Variants in KCNIP4 observed in about 807,000 individuals in gnomAD.
KCNIP4 encodes potassium voltage-gated channel interacting protein 4.
A neutral mutation model predicts 34.0 loss-of-function variants in KCNIP4; 12 were observed. The observed-to-expected ratio is 0.35, with a 90% CI of 0.23 to 0.57. The LOEUF is 0.57. KCNIP4 is among the 20% of genes least tolerant of loss of function. The pLI, the probability that KCNIP4 is intolerant of heterozygous loss-of-function variation, is 0.83. For missense variants in KCNIP4, 238 were observed against 311.7 expected, an observed-to-expected ratio of 0.76 and a Z score of 1.78; for synonymous variants, 124 against 102.2, an observed-to-expected ratio of 1.21 and a Z score of -1.29.
At chr4:21,675,583 C>T (rs901485497) in intron 1 of KCNIP4, among the ~76,000 whole-genome samples, 9 of 152,088 alleles carry the variant, frequency 5.9e-5, no homozygotes, top group Non-Finnish European at 1.2e-4. Flanking sequence ...TTACTATGTA[C>T]TCACCAATTT....
intron 2 of KCNIP4, among the ~76,000 whole-genome samples, chr4:20,878,736 T>A (rs548425416): frequency 6.6e-6 from 1 of 152,278 alleles, no homozygotes; most frequent in South Asian, 2.1e-4. Context: ...TAAACAGGCA[T>A]TTTGTTTAGT....
chr4:21,056,308 T>C (rs1395446327), intron 1 of KCNIP4, among the ~76,000 whole-genome samples: 1 of 152,170 alleles, frequency 6.6e-6, no homozygotes, highest in Non-Finnish European at 1.5e-5. Context: ...CTTATTCTTA[T>C]AAAATCCTCT....
chr4:21,635,489 G>A (rs953112171), intron 1 of KCNIP4, among the ~76,000 whole-genome samples: 1 of 152,120 alleles, frequency 6.6e-6, no homozygotes, highest in African/African-American at 2.4e-5. Flanking sequence ...GACATGAACA[G>A]ACACTTCTCA....
At chr4:20,834,913 G>C (rs1718860466) in intron 3 of KCNIP4, among the ~76,000 whole-genome samples, 1 of 152,154 alleles carries the variant, frequency 6.6e-6, no homozygotes, top group Non-Finnish European at 1.5e-5. Context: ...GAATATTGTG[G>C]TTCTCATCTT....
intron 1 of KCNIP4, among the ~76,000 whole-genome samples, chr4:21,103,709 T>C (rs1171011650): frequency 1.3e-5 from 2 of 150,826 alleles, no homozygotes; most frequent in Non-Finnish European, 2.9e-5. Flanking sequence ...GCATTAGGTA[T>C]ATCTCCTAAT....
At chr4:21,073,813 C>T (rs138642091) in intron 1 of KCNIP4, among the ~76,000 whole-genome samples, 3,888 of 152,220 alleles carry the variant, frequency 0.026, 150 homozygotes, top group African/African-American at 0.087. Context: ...TATGACCCAT[C>T]AATACCTAAT....
chr4:21,301,215 T>G (rs1476581676), intron 1 of KCNIP4, among the ~76,000 whole-genome samples: 3 of 152,152 alleles, frequency 2.0e-5, no homozygotes, highest in Non-Finnish European at 4.4e-5. Flanking sequence ...TAATTTAAAC[T>G]TTTATATTAC....
intron 3 of KCNIP4, among the ~76,000 whole-genome samples, chr4:20,836,821 C>A (rs140701234): frequency 2.6e-5 from 4 of 151,958 alleles, no homozygotes; most frequent in African/African-American, 9.7e-5. Context: ...TATCATCATA[C>A]TTTCCTTAGG....
At chr4:20,952,594 T>C (rs1732891644) in intron 1 of KCNIP4, among the ~76,000 whole-genome samples, 1 of 152,206 alleles carries the variant, frequency 6.6e-6, no homozygotes, top group Non-Finnish European at 1.5e-5. Flanking sequence ...TCATTATAAA[T>C]GATTTATATT....
chr4:21,623,121 T>A (rs1023863770), intron 1 of KCNIP4, among the ~76,000 whole-genome samples: 1 of 152,218 alleles, frequency 6.6e-6, no homozygotes, highest in Non-Finnish European at 1.5e-5. Flanking sequence ...TCCATCGGCT[T>A]AATTTGAAAT....
At chr4:20,936,411 T>C (rs1327226009) in intron 1 of KCNIP4, among the ~76,000 whole-genome samples, 1 of 56,820 alleles carries the variant, frequency 1.8e-5, no homozygotes, top group African/African-American at 6.8e-5. Context: ...GATTAAAAGA[T>C]ATGTTTTTTT....
chr4:21,636,581 A>G (rs190527889), intron 1 of KCNIP4, among the ~76,000 whole-genome samples: 33 of 152,280 alleles, frequency 2.2e-4, no homozygotes, highest in African/African-American at 7.2e-4. Flanking sequence ...AATGAAGTGT[A>G]ATACTGACAT....
At chr4:21,085,487 T>C (rs954501899) in intron 1 of KCNIP4, among the ~76,000 whole-genome samples, 2 of 152,210 alleles carry the variant, frequency 1.3e-5, no homozygotes, top group Admixed American at 6.5e-5. Flanking sequence ...TTATTTCATA[T>C]GTATTTCTCA....
At chr4:21,237,622 A>G (rs1759465484) in intron 1 of KCNIP4, among the ~76,000 whole-genome samples, 1 of 152,226 alleles carries the variant, frequency 6.6e-6, no homozygotes, top group Non-Finnish European at 1.5e-5. Context: ...ATAAACTAGA[A>G]AATCTAGAAG....
chr4:21,479,099 C>T (rs1731219695), intron 1 of KCNIP4, among the ~76,000 whole-genome samples: 1 of 152,104 alleles, frequency 6.6e-6, no homozygotes, highest in Non-Finnish European at 1.5e-5. Flanking sequence ...TTCAGCTAGA[C>T]CTCTGGGCTT....
intron 1 of KCNIP4, among the ~76,000 whole-genome samples, chr4:21,835,087 A>G (rs2109311192): frequency 6.6e-6 from 1 of 152,242 alleles, no homozygotes; most frequent in East Asian, 1.9e-4. Flanking sequence ...AGCTTGAATT[A>G]AATTTAAAGT....
At chr4:20,927,757 G>A (rs1730041372) in intron 1 of KCNIP4, among the ~76,000 whole-genome samples, 1 of 152,154 alleles carries the variant, frequency 6.6e-6, no homozygotes. Flanking sequence ...GTCGGGTTTA[G>A]TCATAATGTC....
intron 1 of KCNIP4, among the ~76,000 whole-genome samples, chr4:21,125,850 A>C (rs1750570734): frequency 6.6e-6 from 1 of 152,066 alleles, no homozygotes; most frequent in Non-Finnish European, 1.5e-5. Context: ...CTAAGAGGAG[A>C]TTCTATAAGG....
intron 3 of KCNIP4, among the ~76,000 whole-genome samples, chr4:20,829,804 T>G (rs1718201126): frequency 6.6e-6 from 1 of 152,158 alleles, no homozygotes; most frequent in Non-Finnish European, 1.5e-5. Context: ...TGTGACCATA[T>G]CTGTGGCTTG....
Sources: allele counts gnomAD v4.1 joint callset (sites outside exome capture counted in the v4.1 genomes callset), GRCh38; gene constraint gnomAD v4.1.1; transcripts MANE v1.5; gene names NCBI Gene and HGNC (gene_info 2026-07-23, HGNC 2026-07-21).